The following PPFIA2 variants were observed in gnomAD, a reference collection of about 807,000 sequenced individuals.
PPFIA2 encodes the protein liprin-alpha-2.
Under a neutral mutation model 175.5 loss-of-function variants are expected in PPFIA2, and 46 were observed. That is an observed-to-expected ratio of 0.26 (90% confidence interval 0.21 to 0.34). The LOEUF (loss-of-function observed/expected upper bound fraction) is 0.34, where lower values mean the gene tolerates loss of function less well. Among genes scored for constraint, PPFIA2 ranks in the 10% least tolerant of loss-of-function variants. The pLI is 1.00. For synonymous variants in PPFIA2, 568 were observed against 511.4 expected (o/e 1.11, Z -1.49); for missense variants, 1,179 against 1,506.1 (o/e 0.78, Z 3.60).
chr12:81,620,159 CAAAAAAAAA>C (rs376856927), intron 4 of PPFIA2, among the ~76,000 whole-genome samples: 2 of 54,614 alleles, frequency 3.7e-5, no homozygotes, highest in South Asian at 2.1e-3. Context: ...CACTCCTTCT[CAAAAAAAAA>C]AAAAAAAAAA....
intron 3 of PPFIA2, among the ~76,000 whole-genome samples, chr12:81,752,506 C>A (rs2083961847): frequency 6.6e-6 from 1 of 151,918 alleles, no homozygotes; most frequent in Admixed American, 6.6e-5. Flanking sequence ...ACCAGGGTAC[C>A]AAGAAGTGAG....
At chr12:81,315,741 C>T (rs140209560) in intron 22 of PPFIA2, among the ~76,000 whole-genome samples, 2 of 151,558 alleles carry the variant, frequency 1.3e-5, no homozygotes, top group Non-Finnish European at 3.0e-5. Flanking sequence ...TCAGAGCATA[C>T]GAGGGTGACA....
chr12:81,714,985 G>T (rs1207391988), intron 3 of PPFIA2, among the ~76,000 whole-genome samples: 1 of 150,976 alleles, frequency 6.6e-6, no homozygotes, highest in Non-Finnish European at 1.5e-5. Flanking sequence ...ATAATTATCT[G>T]TAAATAGTCA....
intron 8 of PPFIA2, among the ~76,000 whole-genome samples, chr12:81,390,466 T>C (rs761514577): frequency 3.3e-5 from 5 of 152,060 alleles, no homozygotes; most frequent in Non-Finnish European, 5.9e-5. Context: ...ATTTCAGCTA[T>C]TCTAGTGGGT....
At chr12:81,504,512 A>G (rs1444104236) in intron 4 of PPFIA2, among the ~76,000 whole-genome samples, 1 of 152,118 alleles carries the variant, frequency 6.6e-6, no homozygotes, top group Non-Finnish European at 1.5e-5. Context: ...TGGAGAGGAC[A>G]TGGAGAAATA....
intron 5 of PPFIA2, among the ~76,000 whole-genome samples, chr12:81,450,155 A>G (rs184816969): frequency 6.0e-4 from 91 of 152,340 alleles, no homozygotes; most frequent in African/African-American, 2.1e-3. Context: ...GTATATACCC[A>G]GTAATGGGAT....
chr12:81,446,068 G>A (rs2051191871), intron 5 of PPFIA2, among the ~76,000 whole-genome samples: 1 of 152,144 alleles, frequency 6.6e-6, no homozygotes, highest in East Asian at 1.9e-4. Flanking sequence ...GATGCATCAT[G>A]ATCTTTTTAG....
At chr12:81,572,941 G>A (rs1162164487) in intron 4 of PPFIA2, among the ~76,000 whole-genome samples, 1 of 151,854 alleles carries the variant, frequency 6.6e-6, no homozygotes, top group Non-Finnish European at 1.5e-5. Context: ...GATGACTTGT[G>A]TACTAAAAAG....
rs35647579 is a variant in PPFIA2, at chr12:81,267,184, C to CAA, written c.3487-166_3487-165dup. 1,357 of 532,686 alleles carry CAA rather than the reference C, an allele frequency of 2.5e-3. 1 individual carries two copies. Among genetic ancestry groups the CAA allele is most frequent in the Non-Finnish European group, 3.1e-3 (929 of 297,216 alleles). 33.0% of individuals were successfully genotyped at this position (532,686 alleles called of 1,614,324 possible). On this transcript the variant is annotated intron_variant, in intron 29 of 32. Transcript: ENST00000549396. ...TATTAGCCATTGTAAATTTTAACTA[C>CAA]AAAAAAAACAGGGCTTTTTTTTTTT...
chr12:81,748,426 G>T lies in PPFIA2; in HGVS notation c.249+5547C>A, dbSNP rs148788920. 2.8e-4 allele frequency among the ~76,000 whole-genome samples: 41 copies of T among 144,672 alleles called. 7 individuals carry two copies. Among genetic ancestry groups the T allele is most frequent in the Non-Finnish European group, 5.6e-4 (36 of 64,440 alleles). 94.9% of individuals were successfully genotyped at this position (144,672 alleles called of 152,430 possible). A position where few individuals can be genotyped will look rare whatever the true frequency, so the allele number is the denominator to read the frequency against. Reference sequence around the variant, plus strand: ...TTGGCCAAGGGACATTACCAAAAATGACTTAAGCAGAAGTTTAAGAAGCAT... The same window carrying T: ...TTGGCCAAGGGACATTACCAAAAATTACTTAAGCAGAAGTTTAAGAAGCAT... On this transcript the variant is annotated intron_variant, in intron 3 of 32. Coordinates refer to ENST00000549396, the MANE Select transcript of PPFIA2 (RefSeq NM_003625.5).
intron 4 of PPFIA2, among the ~76,000 whole-genome samples, chr12:81,596,500 G>A (rs1044627767): frequency 7.2e-5 from 11 of 152,038 alleles, no homozygotes; most frequent in Admixed American, 4.6e-4. Context: ...CAAAAAGGGG[G>A]TAGTTAAAAA....
At chr12:81,294,787 G>A (rs368719273) in intron 24 of PPFIA2, 48 bp downstream of exon 24, 23 of 1,564,842 alleles carry the variant, frequency 1.5e-5, no homozygotes, top group African/African-American at 1.2e-4. Flanking sequence ...TTAGACACAC[G>A]GCTATTTGCC....
At chr12:81,682,708 T>C (rs1483396610) in intron 3 of PPFIA2, among the ~76,000 whole-genome samples, 1 of 152,012 alleles carries the variant, frequency 6.6e-6, no homozygotes, top group African/African-American at 2.4e-5. Context: ...ATTTCTCTCA[T>C]CTCCTTTATA....
chr12:81,647,785 CATATA>C (rs201700354), intron 4 of PPFIA2, among the ~76,000 whole-genome samples: 17,207 of 138,078 alleles, frequency 0.12, 1,260 homozygotes, highest in East Asian at 0.2. Flanking sequence ...ATATAATATA[CATATA>C]ATATAATATA....
At chr12:81,594,795 C>A (rs1353992462) in intron 4 of PPFIA2, among the ~76,000 whole-genome samples, 1 of 152,002 alleles carries the variant, frequency 6.6e-6, no homozygotes, top group African/African-American at 2.4e-5. Context: ...TGCCTATAGT[C>A]CCAGCTACTT....
intron 7 of PPFIA2, among the ~76,000 whole-genome samples, chr12:81,433,256 C>T (rs1159757758): frequency 6.6e-6 from 1 of 152,132 alleles, no homozygotes; most frequent in Non-Finnish European, 1.5e-5. Context: ...GAAATACTTC[C>T]CACAGTTTTG....
intron 4 of PPFIA2, among the ~76,000 whole-genome samples, chr12:81,610,536 T>G (rs2060786692): frequency 6.6e-6 from 1 of 152,198 alleles, no homozygotes; most frequent in Non-Finnish European, 1.5e-5. Flanking sequence ...TACTTCAAAT[T>G]ATACTATGAA....
rs117913919 is a variant in PPFIA2 at position 81,568,311 on chromosome 12, C to T, written c.303+108480G>A. Among the ~76,000 whole-genome samples, 912 of 152,304 alleles carry T rather than the reference C, an allele frequency of 6.0e-3. 25 individuals are homozygous for T. The highest frequency in any genetic ancestry group is 0.051 in the Admixed American group (779 of 15,302). On this transcript the variant is annotated intron_variant, in intron 4 of 32. Transcript: ENST00000549396. ...GAGGCCTAGAATGTGCTATCTTTTG[C>T]CTCTTCTGTCACCAAGGCACTGTCC...
chr12:81,534,431 A>C lies in PPFIA2; in HGVS notation c.304-76565T>G, dbSNP rs565736282. Reference sequence around the variant, plus strand: ...TTATTACATGTTCTATGCATGTAACAAAATATCACAGGTACTCCATAAAGA... The same window carrying C: ...TTATTACATGTTCTATGCATGTAACCAAATATCACAGGTACTCCATAAAGA... On this transcript the variant is annotated intron_variant, in intron 4 of 32. Coordinates refer to ENST00000549396, the MANE Select transcript of PPFIA2 (RefSeq NM_003625.5). Among the ~76,000 whole-genome samples, 3 of 151,720 alleles carry C rather than the reference A, an allele frequency of 2.0e-5. No individual in the cohort carries two copies. In the East Asian group the frequency reaches 5.8e-4, roughly 29 times the overall value.
Sources: gnomAD v4.1 joint callset for allele counts (sites outside exome capture counted in the v4.1 genomes callset) on GRCh38, gnomAD v4.1.1 for gene constraint, MANE v1.5 for transcripts, NCBI Gene and HGNC (gene_info 2026-07-23, HGNC 2026-07-21) for gene names.